The following ATP8A2 variants were observed in gnomAD, a reference collection of about 807,000 sequenced individuals.
ATP8A2 encodes ATPase phospholipid transporting 8A2.
A neutral mutation model predicts 165.6 loss-of-function variants in ATP8A2; 100 were observed. That is an observed-to-expected ratio of 0.60 (90% CI 0.51 to 0.71). The LOEUF is 0.71. Ranked by LOEUF, ATP8A2 falls within the 30% of genes least tolerant of loss-of-function variation. The pLI is 0.00. For missense variants in ATP8A2, 1,227 were observed against 1,479.5 expected (o/e 0.83, Z 2.80); for synonymous variants, 543 against 548.8 (o/e 0.99, Z 0.15).
intron 2 of ATP8A2, among the ~76,000 whole-genome samples, chr13:25,509,024 C>G (rs1475723762): frequency 6.6e-6 from 1 of 152,186 alleles, no homozygotes; most frequent in Non-Finnish European, 1.5e-5. Flanking sequence ...GGTGTGCAGT[C>G]ACTTTTGTGA....
At chr13:25,661,049 A>G (rs144789643) in intron 24 of ATP8A2, among the ~76,000 whole-genome samples, 201 of 152,296 alleles carry the variant, frequency 1.3e-3, no homozygotes, top group Middle Eastern at 0.01. Context: ...ATGATGGCCC[A>G]TTTGTGTCTG....
intron 30 of ATP8A2, 67 bp from the exon 31 acceptor site, chr13:25,860,128 G>C: frequency 9.8e-7 from 1 of 1,025,102 alleles, no homozygotes; most frequent in Non-Finnish European, 1.5e-6. Flanking sequence ...CCTGTTTAAT[G>C]CTCTGAGTTA....
At position 25,953,857 on chromosome 13, in the gene ATP8A2, G is replaced by A. The variant is rs1175957963; in HGVS notation, c.3184-7718G>A. On this transcript the variant is annotated intron_variant, in intron 33 of 36. Transcript: ENST00000381655. The surrounding 1 kb of genome is among the most constrained non-coding windows in gnomAD (Gnocchi z 6.7). ...GCTTTTCCCATGGTCTTCGCAAACTGCAGACCAGGAGATTCCCTCCGGTGC... is the reference window on the plus strand; with the variant it reads ...GCTTTTCCCATGGTCTTCGCAAACTACAGACCAGGAGATTCCCTCCGGTGC... Among the ~76,000 whole-genome samples, 1 of 152,192 alleles carries A rather than the reference G, an allele frequency of 6.6e-6. No homozygotes were observed. The highest frequency in any genetic ancestry group is 1.5e-5 in the Non-Finnish European group (1 of 68,026).
intron 30 of ATP8A2, among the ~76,000 whole-genome samples, chr13:25,854,582 C>T (rs1952102494): frequency 6.6e-6 from 1 of 152,184 alleles, no homozygotes; most frequent in Non-Finnish European, 1.5e-5. Context: ...CTCCTAAGTG[C>T]TGGGATTGCA....
At chr13:25,397,650 A>G (rs2033475055) in intron 1 of ATP8A2, among the ~76,000 whole-genome samples, 1 of 152,188 alleles carries the variant, frequency 6.6e-6, no homozygotes, top group Non-Finnish European at 1.5e-5. Context: ...AAAATATTTG[A>G]AAAGGTTTAT....
rs1957138632 is a variant in ATP8A2, at chr13:26,024,844, G to C, written c.*4859G>C. 6.6e-6 allele frequency: 1 copy of C among 152,188 alleles called. No homozygotes were observed. Among genetic ancestry groups the C allele is most frequent in the Non-Finnish European group, 1.5e-5 (1 of 68,060 alleles). 9.4% of individuals were successfully genotyped at this position (152,188 alleles called of 1,614,324 possible). A position where few individuals can be genotyped will look rare whatever the true frequency, so the allele number is the denominator to read the frequency against. On this transcript the variant is annotated 3_prime_UTR_variant, in exon 37 of 37. Transcript: ENST00000381655. ...TTTAAAAGTCGGGCGCAAAGTGTCA[G>C]GTGGCTTTGATTTATGACAGAAAGA...
intron 14 of ATP8A2, among the ~76,000 whole-genome samples, chr13:25,559,378 C>T (rs2039075751): frequency 6.6e-6 from 1 of 152,040 alleles, no homozygotes; most frequent in South Asian, 2.1e-4. Flanking sequence ...ACTAAACATA[C>T]AAAATTAGCT....
At chr13:25,611,788 T>G (rs2040694925) in intron 24 of ATP8A2, among the ~76,000 whole-genome samples, 1 of 152,142 alleles carries the variant, frequency 6.6e-6, no homozygotes, top group African/African-American at 2.4e-5. Flanking sequence ...GTTGGCAATT[T>G]TTAAAATTAC....
intron 35 of ATP8A2, among the ~76,000 whole-genome samples, chr13:25,998,016 C>G (rs969732980): frequency 1.3e-5 from 2 of 152,150 alleles, no homozygotes; most frequent in Non-Finnish European, 2.9e-5. Flanking sequence ...GACATTTTGG[C>G]TATTATGCTA....
chr13:25,618,162 A>G (rs549848483), intron 24 of ATP8A2, among the ~76,000 whole-genome samples: 1 of 152,260 alleles, frequency 6.6e-6, no homozygotes, highest in Admixed American at 6.5e-5. Context: ...TACATGTTAT[A>G]CCTGATACTG....
chr13:25,397,704 G>A (rs138106375), intron 1 of ATP8A2, among the ~76,000 whole-genome samples: 31 of 152,308 alleles, frequency 2.0e-4, no homozygotes, highest in South Asian at 6.2e-4. Context: ...AGCCTCATCA[G>A]GTCCTGAGAA....
At chr13:25,502,303 C>T (rs886512906) in intron 2 of ATP8A2, among the ~76,000 whole-genome samples, 1 of 152,142 alleles carries the variant, frequency 6.6e-6, no homozygotes, top group Non-Finnish European at 1.5e-5. Context: ...GAGAAATAAA[C>T]GGGAGCTATT....
chr13:25,686,505 G>A (rs1248587029), intron 24 of ATP8A2, among the ~76,000 whole-genome samples: 3 of 152,164 alleles, frequency 2.0e-5, no homozygotes, highest in African/African-American at 7.2e-5. Flanking sequence ...CCAAGAGCAC[G>A]TGTGTTTATT....
At chr13:25,986,581 C>T (rs1956283676) in intron 35 of ATP8A2, among the ~76,000 whole-genome samples, 1 of 152,092 alleles carries the variant, frequency 6.6e-6, no homozygotes, top group Admixed American at 6.5e-5. Context: ...GTATATGTAC[C>T]ACATTTTCTT....
chr13:25,612,869 C>T (rs1036715390), intron 24 of ATP8A2, among the ~76,000 whole-genome samples: 3 of 151,892 alleles, frequency 2.0e-5, no homozygotes, highest in African/African-American at 4.8e-5. Flanking sequence ...TTGGACAATC[C>T]CTTTTATCAT....
At chr13:25,399,553 C>T (rs9319219) in intron 1 of ATP8A2, among the ~76,000 whole-genome samples, 78,528 of 92,020 alleles carry the variant, frequency 0.85, 33,851 homozygotes, top group East Asian at 0.97. Flanking sequence ...AGCCCGCCAC[C>T]ACGCCCGGCT....
intron 26 of ATP8A2, among the ~76,000 whole-genome samples, chr13:25,773,764 ATGTG>A (rs2138315819): frequency 6.6e-6 from 1 of 151,992 alleles, no homozygotes; most frequent in Admixed American, 6.5e-5. Flanking sequence ...GTCTGTGTGT[ATGTG>A]TGTCTCTGTG....
chr13:25,534,072 T>C, intron 6 of ATP8A2: 4 of 458,368 alleles, frequency 8.7e-6, no homozygotes, highest in South Asian at 6.6e-5. Context: ...AAACATTTAA[T>C]AAACAATGTT....
chr13:25,998,344 TA>T (rs1956559888), intron 35 of ATP8A2, among the ~76,000 whole-genome samples: 1 of 152,108 alleles, frequency 6.6e-6, no homozygotes, highest in Non-Finnish European at 1.5e-5. Context: ...CACCTCCCCA[TA>T]AGGGTGTTGG....
Sources: allele counts gnomAD v4.1 joint callset (sites outside exome capture counted in the v4.1 genomes callset), GRCh38; gene constraint gnomAD v4.1.1; non-coding constraint Gnocchi (gnomAD v3.1); transcripts MANE v1.5; gene names NCBI Gene and HGNC (gene_info 2026-07-23, HGNC 2026-07-21).